Variants in ACAT1 observed in about 807,000 individuals in gnomAD.
The protein encoded by ACAT1 is acetyl-CoA acetyltransferase 1.
ACAT1 carries 28 observed loss-of-function variants against 47.3 expected under a neutral mutation model. The ratio of observed to expected loss-of-function variants is 0.59; its 90% CI spans 0.44 to 0.81. The LOEUF is 0.81. Ranked by LOEUF, ACAT1 falls within the 30% of genes least tolerant of loss-of-function variation. ACAT1 has a pLI of 0.00. For synonymous variants in ACAT1, 181 were observed against 173.6 expected, an observed-to-expected ratio of 1.04 and a Z score of -0.34; for missense variants, 469 against 524.3, an observed-to-expected ratio of 0.89 and a Z score of 1.03.
chr11:108,122,519 G>A (rs905117085), intron 1 of ACAT1, among the ~76,000 whole-genome samples: 49 of 152,318 alleles, frequency 3.2e-4, no homozygotes, highest in African/African-American at 1.1e-3. Flanking sequence ...AGGGATTGTT[G>A]ATATGTTTGT....
chr11:108,119,641 TTCTCTC>T (rs35756586), upstream of ACAT1, among the ~76,000 whole-genome samples: 112 of 149,252 alleles, frequency 7.5e-4, no homozygotes, highest in Middle Eastern at 3.4e-3. Context: ...AAATATCTGT[TTCTCTC>T]TCTCTCTCTC....
At chr11:108,142,715 T>G (rs766261676) in intron 9 of ACAT1, 165 bp downstream of exon 9, 4 of 612,544 alleles carry the variant, frequency 6.5e-6, no homozygotes, top group Non-Finnish European at 1.2e-5. Flanking sequence ...CATGTGCCTG[T>G]ACTACCATCT....
At chr11:108,142,894 T>C in intron 9 of ACAT1, 1 of 270,460 alleles carries the variant, frequency 3.7e-6, no homozygotes, top group Non-Finnish European at 7.4e-6. Flanking sequence ...AGTTTACTTG[T>C]TAGATATAGC....
Position 108,147,456 on chromosome 11 carries a change from A to AATCAGTGTGCTGTAATCAGTGTG in ACAT1, c.*66_*67insATCAGTGTGCTGTAATCAGTGTG. The AATCAGTGTGCTGTAATCAGTGTG allele has an allele frequency of 1.3e-6, 2 of 1,590,666 alleles. No homozygotes were observed. The highest frequency in any genetic ancestry group is 1.7e-6 in the Non-Finnish European group (2 of 1,163,032). ...AAGGCCTGCTGTAATCAGTGTGACT[A>AATCAGTGTGCTGTAATCAGTGTG]CTGTGGGTCAGCTTATATTCAGATA... On this transcript the variant is annotated 3_prime_UTR_variant, in exon 12 of 12. Transcript: ENST00000265838.
intron 1 of ACAT1, among the ~76,000 whole-genome samples, chr11:108,129,611 C>T (rs759714023): frequency 6.9e-4 from 105 of 152,146 alleles, no homozygotes; most frequent in Non-Finnish European, 1.2e-3. Flanking sequence ...TCATTATCCG[C>T]CCGCCTCAGC....
chr11:108,141,464 C>T (rs1317728953), intron 7 of ACAT1, 141 bp from the exon 8 acceptor site: 2 of 586,548 alleles, frequency 3.4e-6, no homozygotes, highest in Non-Finnish European at 6.2e-6. Context: ...TTAACAGATT[C>T]TAGATGAGTG....
intron 1 of ACAT1, among the ~76,000 whole-genome samples, chr11:108,123,018 A>T (rs1187240975): frequency 6.6e-6 from 1 of 152,210 alleles, no homozygotes; most frequent in Non-Finnish European, 1.5e-5. Flanking sequence ...TGAGGTCAAG[A>T]GTTCAAGACC....
At position 108,132,889 on chromosome 11, in the gene ACAT1, G is replaced by C. The variant is rs963394562; in HGVS notation, c.121-931G>C. On this transcript the variant is annotated intron_variant, in intron 2 of 11. Coordinates refer to ENST00000265838, the MANE Select transcript of ACAT1 (RefSeq NM_000019.4). ...AAAAAAAAAAAAAAAAAAGAAAAAA[G>C]AAATTATGGCTCTGGCTGGGCACAG... Among the ~76,000 whole-genome samples, 143 of 110,922 alleles carry C rather than the reference G, an allele frequency of 1.3e-3. 1 individual carries two copies. Among genetic ancestry groups the C allele is most frequent in the Middle Eastern group, 6.3e-3 (1 of 158 alleles). 72.8% of individuals were successfully genotyped at this position (110,922 alleles called of 152,430 possible).
At chr11:108,117,911 A>G (rs1325728328), upstream of ACAT1, among the ~76,000 whole-genome samples, 5 of 152,272 alleles carry the variant, frequency 3.3e-5, no homozygotes, top group East Asian at 9.6e-4. Flanking sequence ...TTTTATCAAT[A>G]TTTTAATAAT....
At chr11:108,140,340 A>C in intron 7 of ACAT1, 125 bp downstream of exon 7, 1 of 1,126,162 alleles carries the variant, frequency 8.9e-7, no homozygotes, top group African/African-American at 1.5e-5. Flanking sequence ...AAAAGTGAAG[A>C]GTTGCCAGTT....
At chr11:108,127,701 G>A (rs2077277573) in intron 1 of ACAT1, among the ~76,000 whole-genome samples, 1 of 152,220 alleles carries the variant, frequency 6.6e-6, no homozygotes, top group African/African-American at 2.4e-5. Context: ...GATAGTAAAG[G>A]AGACTGAGGT....
upstream of ACAT1, among the ~76,000 whole-genome samples, chr11:108,119,995 T>C (rs1268782329): frequency 6.6e-6 from 1 of 152,042 alleles, no homozygotes; most frequent in Non-Finnish European, 1.5e-5. Context: ...TGGGGGCGGA[T>C]TGCGTGAGCT....
chr11:108,121,493 G>A (rs887539084), upstream of ACAT1: 276 of 1,203,674 alleles, frequency 2.3e-4, no homozygotes, highest in Non-Finnish European at 3.1e-4. Context: ...ACTGAGAGGC[G>A]ACTATTGGAG....
In ACAT1 at chr11:108,121,582, A is replaced by C; in HGVS notation, c.-25A>C. The C allele has an allele frequency of 2.6e-6, 4 of 1,549,502 alleles. No homozygotes were observed. Among genetic ancestry groups the C allele is most frequent in the Non-Finnish European group, 3.5e-6 (4 of 1,146,302 alleles). ...GGAGGCCGCTAGTCTACGCCTGTGG[A>C]GCCGATACTCAGCCCTCTGCGACCA... On this transcript the variant is annotated 5_prime_UTR_variant, in exon 1 of 12. Transcript: ENST00000265838.
At chr11:108,129,190 A>G (rs980681653) in intron 1 of ACAT1, 2 of 152,088 alleles carry the variant, frequency 1.3e-5, no homozygotes, top group Admixed American at 6.6e-5. Flanking sequence ...CTCCAATTCC[A>G]TCCAGGTTGC....
At chr11:108,142,727 C>T (rs776586022) in intron 9 of ACAT1, 177 bp downstream of exon 9, 44 of 591,384 alleles carry the variant, frequency 7.4e-5, no homozygotes, top group Non-Finnish European at 1.2e-4. Flanking sequence ...CTACCATCTA[C>T]TCGGGAAGCT....
chr11:108,138,979 G>A lies in ACAT1; in HGVS notation c.517G>A (p.Val173Ile). The A allele has an allele frequency of 6.2e-7, 1 of 1,614,156 alleles. No homozygotes were observed. ...MNRGSTPYGG[V>I]KLEDLIVKDG... ...CAGAGGATCAACACCATATGGTGGGGTAAAGCTTGAAGATTTGATTGTAAA... is the reference window on the plus strand; with the variant it reads ...CAGAGGATCAACACCATATGGTGGGATAAAGCTTGAAGATTTGATTGTAAA... The change falls in exon 6 of 12, where the codon GTA (valine) becomes ATA (isoleucine). Residue 173 changes from valine (V) to isoleucine (I), a missense_variant. Val to Ile is a conservative substitution (Grantham distance 29). Coordinates refer to ENST00000265838, the MANE Select transcript of ACAT1 (RefSeq NM_000019.4).
intron 1 of ACAT1, among the ~76,000 whole-genome samples, chr11:108,123,731 G>T (rs1465583597): frequency 1.3e-5 from 2 of 151,906 alleles, no homozygotes; most frequent in Non-Finnish European, 2.9e-5. Context: ...GTAGACACGG[G>T]GTCTGGTTCT....
At position 108,146,398 on chromosome 11, in the gene ACAT1, C is replaced by T. The variant is rs767928914; in HGVS notation, c.1163+39C>T. On this transcript the variant is annotated intron_variant, in intron 11 of 11. Transcript: ENST00000265838. ...ATAACTATATCTAGGTTAAGAGCTG[C>T]CTTTGTGTTTCTAGCTAAACTTAAA... The T allele has an allele frequency of 1.9e-5, 30 of 1,605,286 alleles. No individual in the cohort carries two copies. The South Asian group carries it at 2.9e-4, about 15-fold the overall frequency.
Sources: allele counts gnomAD v4.1 joint callset (sites outside exome capture counted in the v4.1 genomes callset), GRCh38; gene constraint gnomAD v4.1.1; transcripts MANE v1.5; gene names NCBI Gene and HGNC (gene_info 2026-07-23, HGNC 2026-07-21).